CMC2: variants seen among roughly 807,000 people sequenced by gnomAD.
The protein encoded by CMC2 is C-X9-C motif containing 2.
Under a neutral mutation model 7.5 loss-of-function variants are expected in CMC2, and 5 were observed. The ratio of observed to expected loss-of-function variants is 0.66; its 90% CI spans 0.35 to 1.40. The LOEUF (loss-of-function observed/expected upper bound fraction) is 1.40, where lower values mean the gene tolerates loss of function less well. Ranked by LOEUF, CMC2 falls within the 40% of genes most tolerant of loss-of-function variation. CMC2 has a pLI of 0.04. For synonymous variants in CMC2, 37 were observed against 31.4 expected (o/e 1.18, Z -0.60); for missense variants, 115 against 92.3 (o/e 1.25, Z -1.01).
rs545558550 is a variant in CMC2 at position 80,995,485 on chromosome 16, G to A, written c.81+1829C>T. 5.4e-4 allele frequency among the ~76,000 whole-genome samples: 82 copies of A among 152,080 alleles called. 1 individual carries two copies. The South Asian group carries it at 0.015, about 28-fold the overall frequency. ...AGCCTGCCCAACATGGTGAAACTCCGTCTCTACTAAAGATAAAAAAAATTA... is the reference window on the plus strand; with the variant it reads ...AGCCTGCCCAACATGGTGAAACTCCATCTCTACTAAAGATAAAAAAAATTA... On this transcript the variant is annotated intron_variant, in intron 2 of 3. Transcript: ENST00000219400.
At chr16:80,996,353 G>A (rs1968414297) in intron 2 of CMC2, among the ~76,000 whole-genome samples, 1 of 152,114 alleles carries the variant, frequency 6.6e-6, no homozygotes, top group Admixed American at 6.5e-5. Context: ...TATACAAATT[G>A]AAATATTCTA....
At chr16:80,992,648 T>C (rs2151637810) in intron 2 of CMC2, among the ~76,000 whole-genome samples, 1 of 152,110 alleles carries the variant, frequency 6.6e-6, no homozygotes, top group South Asian at 2.1e-4. Context: ...TTTTTTAAAT[T>C]GTCTCTCATG....
At position 80,967,673 on chromosome 16, in the gene CMC2, A is replaced by T. The variant is rs1911650208; in HGVS notation, c.*8420T>A. ...CTTTTCAATATTTGTAGCAAGTCCA[A>T]TCATTAGCTCAATAATCCAATCATA... On this transcript the variant is annotated 3_prime_UTR_variant, in exon 4 of 4. Transcript: ENST00000219400. 6.6e-6 allele frequency: 1 copy of T among 152,220 alleles called. No individual in the cohort carries two copies. Among genetic ancestry groups the T allele is most frequent in the African/African-American group, 2.4e-5 (1 of 41,458 alleles). 9.4% of individuals were successfully genotyped at this position (152,220 alleles called of 1,614,324 possible).
At chr16:80,984,404 C>T (rs1555514204) in intron 2 of CMC2, among the ~76,000 whole-genome samples, 1 of 152,164 alleles carries the variant, frequency 6.6e-6, no homozygotes, top group South Asian at 2.1e-4. Flanking sequence ...ATGCCTCATG[C>T]TATTTCTTTT....
At chr16:81,006,585 C>G in intron 1 of CMC2, 149 bp downstream of exon 1, 3 of 483,940 alleles carry the variant, frequency 6.2e-6, no homozygotes, top group Non-Finnish European at 8.1e-6. Context: ...CGCAGCAGCC[C>G]GGCTGTGGGC....
chr16:80,977,304 C>A (rs1184308358), intron 3 of CMC2, among the ~76,000 whole-genome samples: 1 of 152,166 alleles, frequency 6.6e-6, no homozygotes, highest in Non-Finnish European at 1.5e-5. Context: ...CTTAGATTTT[C>A]TTAAATAGTT....
chr16:80,971,747 C>T lies in CMC2; in HGVS notation c.*4346G>A. 6.6e-6 allele frequency: 1 copy of T among 151,634 alleles called. No individual in the cohort carries two copies. The allele number at this position is 151,634 out of a possible 1,614,324, so 9.4% of individuals were successfully genotyped here. On this transcript the variant is annotated 3_prime_UTR_variant, in exon 4 of 4. Transcript: ENST00000219400. Reference sequence around the variant, plus strand: ...ACTTTTGTATTATTATTTTTTTAAACCTGTATTTTTTAAAAGTATGACTTA... The same window carrying T: ...ACTTTTGTATTATTATTTTTTTAAATCTGTATTTTTTAAAAGTATGACTTA...
At chr16:80,978,347 C>T in intron 3 of CMC2, 3 of 1,266,130 alleles carry the variant, frequency 2.4e-6, no homozygotes, top group Non-Finnish European at 3.1e-6. Context: ...AAATAAGTTA[C>T]AAAGCAAATT....
chr16:80,979,067 T>C (rs549591798), intron 3 of CMC2, among the ~76,000 whole-genome samples: 9 of 149,026 alleles, frequency 6.0e-5, no homozygotes, highest in Non-Finnish European at 1.0e-4. Context: ...GGTGACAGAG[T>C]GAGACTCTGG....
chr16:80,981,876 T>C lies in CMC2; in HGVS notation c.83A>G (p.His28Arg). 1.9e-6 allele frequency: 3 copies of C among 1,604,166 alleles called. No homozygotes were observed. The highest frequency in any genetic ancestry group is 2.6e-6 in the Non-Finnish European group (3 of 1,172,550). The change falls in exon 3 of 4, where the codon CAC (histidine) becomes CGC (arginine). Residue 28 changes from histidine (H) to arginine (R), a missense_variant and splice_region_variant. Physicochemically the swap from His to Arg is conservative, Grantham distance 29. Transcript: ENST00000219400. ...INLLKECHKN[H>R]NILKFFGYCN... Reference sequence around the variant, plus strand: ...ATAACCAAAAAATTTCAGAATGTTGTGCTAAAAGGAAGAAAAGGAGTAAAA... The same window carrying C: ...ATAACCAAAAAATTTCAGAATGTTGCGCTAAAAGGAAGAAAAGGAGTAAAA...
At chr16:80,988,580 G>C in intron 2 of CMC2, 1 of 690,978 alleles carries the variant, frequency 1.4e-6, no homozygotes, top group Non-Finnish European at 2.6e-6. Flanking sequence ...GTAAGTTGCA[G>C]ATATGATGCA....
At chr16:80,999,238 T>C (rs1037199067) in intron 1 of CMC2, among the ~76,000 whole-genome samples, 32 of 152,108 alleles carry the variant, frequency 2.1e-4, no homozygotes, top group African/African-American at 6.3e-4. Flanking sequence ...AAGATCAACA[T>C]AGAAAAATCA....
intron 3 of CMC2, chr16:80,978,538 G>C (rs1419244144): frequency 2.3e-5 from 9 of 388,464 alleles, no homozygotes; most frequent in Non-Finnish European, 3.7e-5. Context: ...GGACAAAAGA[G>C]AATGCCACAA....
In CMC2 at chr16:80,971,559, ACAT is replaced by A. The variant is rs1294555247; in HGVS notation, c.*4531_*4533del. ...TATGGCTATGGATACTGACATACAT[ACAT>A]TTTATATATATATATATATATATGT... On this transcript the variant is annotated 3_prime_UTR_variant, in exon 4 of 4. Coordinates refer to ENST00000219400, the MANE Select transcript of CMC2 (RefSeq NM_020188.5). 4.7e-4 allele frequency: 46 copies of A among 96,962 alleles called. 1 individual carries two copies. The highest frequency in any genetic ancestry group is 1.6e-3 in the African/African-American group (28 of 17,424). 6.0% of individuals were successfully genotyped at this position (96,962 alleles called of 1,614,324 possible). A position where few individuals can be genotyped will look rare whatever the true frequency, so the allele number is the denominator to read the frequency against.
intron 2 of CMC2, chr16:80,982,806 G>T (rs1967228490): frequency 6.5e-6 from 1 of 153,828 alleles, no homozygotes; most frequent in South Asian, 2.0e-4. Context: ...ATAACACCCT[G>T]TGATACCAAT....
rs1911925921 is a variant in CMC2 at position 80,971,580 on chromosome 16, ATAT to A, written c.*4510_*4512del. 1 of 141,028 alleles carries A rather than the reference ATAT, an allele frequency of 7.1e-6. No homozygotes were observed. The highest frequency in any genetic ancestry group is 2.8e-5 in the African/African-American group (1 of 35,828). The allele number at this position is 141,028 out of a possible 1,614,324, so 8.7% of individuals were successfully genotyped here. On this transcript the variant is annotated 3_prime_UTR_variant, in exon 4 of 4. Transcript: ENST00000219400. ...ACATACATTTTATATATATATATAT[ATAT>A]ATGTATGAAATCATGCATATATATA... is the stretch of plus-strand genomic sequence containing the variant.
chr16:80,984,228 G>C (rs145961150), intron 2 of CMC2: 1 of 152,182 alleles, frequency 6.6e-6, no homozygotes, highest in African/African-American at 2.4e-5. Context: ...TAATTAGTGT[G>C]TTTGCACTTC....
chr16:80,992,233 G>A (rs143558318), intron 2 of CMC2, among the ~76,000 whole-genome samples: 1 of 152,304 alleles, frequency 6.6e-6, no homozygotes, highest in Non-Finnish European at 1.5e-5. Flanking sequence ...TCCATTGTGT[G>A]GATGCACCAT....
chr16:80,971,267 A>T lies in CMC2; in HGVS notation c.*4826T>A, dbSNP rs1911891384. 6.6e-6 allele frequency: 1 copy of T among 151,950 alleles called. No homozygotes were observed. Among genetic ancestry groups the T allele is most frequent in the Non-Finnish European group, 1.5e-5 (1 of 68,014 alleles). 9.4% of individuals were successfully genotyped at this position (151,950 alleles called of 1,614,324 possible). ...AAATCCTAGGTTTATACCTAAAAAC[A>T]CTCTCCCAGATTGGACAAGAAGGTA... On this transcript the variant is annotated 3_prime_UTR_variant, in exon 4 of 4. Coordinates refer to ENST00000219400, the MANE Select transcript of CMC2 (RefSeq NM_020188.5).
Sources: gnomAD v4.1 joint callset for allele counts (sites outside exome capture counted in the v4.1 genomes callset) on GRCh38, gnomAD v4.1.1 for gene constraint, MANE v1.5 for transcripts, NCBI Gene and HGNC (gene_info 2026-07-23, HGNC 2026-07-21) for gene names.